CDHR2: variants seen among roughly 807,000 people sequenced by gnomAD.
CDHR2 encodes cadherin related family member 2.
Under a neutral mutation model 138.6 loss-of-function variants are expected in CDHR2, and 104 were observed. That is an observed-to-expected ratio of 0.75 (90% confidence interval 0.64 to 0.88). The LOEUF (loss-of-function observed/expected upper bound fraction) is 0.88. CDHR2 is among the 40% of genes least tolerant of loss of function. The pLI, the probability that CDHR2 is intolerant of heterozygous loss-of-function variation, is 0.00. For synonymous variants in CDHR2, 755 were observed against 742.8 expected, an observed-to-expected ratio of 1.02 and a Z score of -0.27; for missense variants, 1,624 against 1,727.6, an observed-to-expected ratio of 0.94 and a Z score of 1.06.
Position 176,581,566 on chromosome 5 carries a change from T to A in CDHR2, c.2042T>A (p.Val681Asp). 1 of 1,613,862 alleles carries A rather than the reference T, an allele frequency of 6.2e-7. No individual in the cohort carries two copies. Among genetic ancestry groups the A allele is most frequent in the Non-Finnish European group, 8.5e-7 (1 of 1,180,038 alleles). The change falls in exon 17 of 32, where the codon GTC (valine) becomes GAC (aspartate). Residue 681 changes from valine (V) to aspartate (D), a missense_variant. Around this residue, in one of 3 missense-constraint regions of CDHR2, gnomAD observed 1,061 missense variants for 1,136.6 expected, o/e 0.93. Transcript: ENST00000261944. Reference sequence around the variant, plus strand: ...CCTGTCCTCGGCACCAAAGTCAATGTCACCATCACTGTGGAGGTAAGGCCT... The same window carrying A: ...CCTGTCCTCGGCACCAAAGTCAATGACACCATCACTGTGGAGGTAAGGCCT... The part of the protein sequence containing the change: ...GEPVLGTKVN[V>D]TITVEDINDN...
intron 1 of CDHR2, among the ~76,000 whole-genome samples, chr5:176,563,818 T>C (rs1758023421): frequency 6.6e-6 from 1 of 152,204 alleles, no homozygotes; most frequent in African/African-American, 2.4e-5. Context: ...TTATTTTTAG[T>C]TTACAGTAGC....
At chr5:176,554,801 G>A (rs1416346721) in intron 1 of CDHR2, among the ~76,000 whole-genome samples, 2 of 152,146 alleles carry the variant, frequency 1.3e-5, no homozygotes, top group East Asian at 1.9e-4. Flanking sequence ...TTACAGGCAC[G>A]TGCCACCACA....
rs1449791799 is a variant in CDHR2, at chr5:176,586,679, G to C, written c.2807-114G>C. On this transcript the variant is annotated intron_variant, in intron 20 of 31. Transcript: ENST00000261944. ...GCTGTAATAGGGGTCTCTTTTGGTA[G>C]AGAGGTTGAGGGCAGGTTTAGGGGG... 18 of 886,240 alleles carry C rather than the reference G, an allele frequency of 2.0e-5. No individual in the cohort carries two copies. The Middle Eastern group carries it at 1.5e-3, about 76-fold the overall frequency. 54.9% of individuals were successfully genotyped at this position (886,240 alleles called of 1,614,324 possible).
chr5:176,590,932 A>C (rs920847488), intron 28 of CDHR2, among the ~76,000 whole-genome samples: 24 of 152,212 alleles, frequency 1.6e-4, no homozygotes, highest in African/African-American at 5.8e-4. Context: ...TCTCACACCC[A>C]GCTAGACGTC....
In CDHR2 at chr5:176,595,708, C is replaced by G. The variant is rs368523225; in HGVS notation, c.*36C>G. On this transcript the variant is annotated 3_prime_UTR_variant, in exon 32 of 32. Transcript: ENST00000261944. ...CACTCTTCTGGACCCCTTGAAGAGG[C>G]CCTACCACACCCTAACTGCACCTGT... The G allele has an allele frequency of 6.7e-7, 1 of 1,482,738 alleles. No individual in the cohort carries two copies. Among genetic ancestry groups the G allele is most frequent in the African/African-American group, 1.4e-5 (1 of 70,406 alleles). The allele number at this position is 1,482,738 out of a possible 1,614,324, so 91.8% of individuals were successfully genotyped here. A position where few individuals can be genotyped will look rare whatever the true frequency, so the allele number is the denominator to read the frequency against.
At position 176,578,038 on chromosome 5, in the gene CDHR2, C is replaced by T. The variant is rs201437280; in HGVS notation, c.1517C>T (p.Thr506Met). 183 of 1,611,114 alleles carry T rather than the reference C, an allele frequency of 1.1e-4. No homozygotes were observed. In the East Asian group the frequency reaches 1.2e-3, roughly 11 times the overall value. Residue 506 changes from threonine (T) to methionine (M), a missense_variant, in exon 15 of 32, where the codon ACG (threonine) becomes ATG (methionine). Transcript: ENST00000261944. ...GSVVTDSIHA[T>M]DPDTGAWGQI... ...TGCCATGTCTCTGCCTCACAGGCCA[C>T]GGACCCAGACACGGGCGCGTGGGGC...
rs1352882050 is a variant in CDHR2 at position 176,543,694 on chromosome 5, C to G, written c.-16+925C>G. 1 of 152,244 alleles carries G rather than the reference C, an allele frequency of 6.6e-6. No homozygotes were observed. Among genetic ancestry groups the G allele is most frequent in the African/African-American group, 2.4e-5 (1 of 41,460 alleles). The allele number at this position is 152,244 out of a possible 1,614,324, so 9.4% of individuals were successfully genotyped here. ...TCGCTTCCCGGAGAGTGTGTCCCCT[C>G]CCCCAGCCCCGGTGGGCGCGGAGGT... On this transcript the variant is annotated intron_variant, in intron 1 of 31. Transcript: ENST00000510636. The surrounding 1 kb of genome is among the most constrained non-coding windows in gnomAD (Gnocchi z 4.0).
rs778240094 is a variant in CDHR2, at chr5:176,595,525, C to T, written c.3793-7C>T. ...GCCCTTCACACCTCCTCTCCCTCTC[C>T]CTGCAGGAGCACAGGCCACCACACA... On this transcript the variant is annotated splice_polypyrimidine_tract_variant and splice_region_variant and intron_variant, in intron 31 of 31. Transcript: ENST00000261944. 7 of 1,589,538 alleles carry T rather than the reference C, an allele frequency of 4.4e-6. No homozygotes were observed. The highest frequency in any genetic ancestry group is 4.3e-6 in the Non-Finnish European group (5 of 1,166,694).
rs137949618 is a variant in CDHR2 at position 176,577,960 on chromosome 5, G to A, written c.1513-74G>A. ...TTGTGTGAGGAAGCACGACAGCTCT[G>A]TCCCCACGAGCTGCATGGGTGGCGG... On this transcript the variant is annotated intron_variant, in intron 14 of 31. Coordinates refer to ENST00000261944, the MANE Select transcript of CDHR2 (RefSeq NM_017675.6). The A allele has an allele frequency of 1.6e-3, 2,406 of 1,516,806 alleles. 35 individuals are homozygous for A. The African/African-American group carries it at 0.027, about 17-fold the overall frequency. 94.0% of individuals were successfully genotyped at this position (1,516,806 alleles called of 1,614,324 possible).
intron 6 of CDHR2, among the ~76,000 whole-genome samples, chr5:176,573,638 C>T (rs950744890): frequency 4.1e-5 from 6 of 145,700 alleles, no homozygotes; most frequent in Non-Finnish European, 7.5e-5. Flanking sequence ...AAGAGTGAAA[C>T]TCCATCTCAG....
chr5:176,586,460 T>C (rs1024651764), intron 20 of CDHR2, among the ~76,000 whole-genome samples: 2 of 152,270 alleles, frequency 1.3e-5, no homozygotes, highest in Admixed American at 1.3e-4. Flanking sequence ...CCTCCCAAAG[T>C]GCTGGGATTA....
intron 19 of CDHR2, among the ~76,000 whole-genome samples, chr5:176,585,702 C>T (rs892443948): frequency 3.3e-4 from 50 of 152,228 alleles, no homozygotes; most frequent in African/African-American, 7.9e-4. Context: ...CAGAGAAGAC[C>T]GATCAGGCAT....
exon 1 of CDHR2, chr5:176,542,735 TC>T (rs1757479654): frequency 6.6e-6 from 1 of 152,224 alleles, no homozygotes; most frequent in South Asian, 2.1e-4. Flanking sequence ...ACGGACTCTC[TC>T]CGGACCCCGC....
At chr5:176,542,687 C>G (rs747527044) in exon 1 of CDHR2, 3 of 152,268 alleles carry the variant, frequency 2.0e-5, no homozygotes, top group Non-Finnish European at 2.9e-5. Context: ...AGCTTAGTGG[C>G]TTTCAGGCAA....
chr5:176,593,341 G>A (rs370478282), intron 31 of CDHR2, among the ~76,000 whole-genome samples: 1 of 152,208 alleles, frequency 6.6e-6, no homozygotes, highest in Admixed American at 6.5e-5. Context: ...TCACACCCAG[G>A]TCCATGGGTG....
chr5:176,595,835 G>T (rs1359214791), downstream of CDHR2: 3 of 685,650 alleles, frequency 4.4e-6, no homozygotes, highest in Non-Finnish European at 6.5e-6. Context: ...TGTATACTGT[G>T]ACAGTTTGTA....
intron 21 of CDHR2, among the ~76,000 whole-genome samples, chr5:176,588,564 AGT>A (rs565754014): frequency 1.2e-3 from 169 of 142,770 alleles, no homozygotes; most frequent in South Asian, 4.5e-3. Flanking sequence ...TGAGTGGGAC[AGT>A]GTGTGAGAGT....
At chr5:176,558,036 G>A (rs1281231970) in intron 1 of CDHR2, among the ~76,000 whole-genome samples, 2 of 151,854 alleles carry the variant, frequency 1.3e-5, no homozygotes, top group African/African-American at 4.8e-5. Flanking sequence ...TGAAAGATGA[G>A]GATTTTATTA....
In CDHR2 at chr5:176,590,707, C is replaced by T. The variant is rs114446662; in HGVS notation, c.3539+20C>T. ...GAAGAGGTGCGGCTCCCATTGCCCC[C>T]GTGTCTCCAACCTTCACCCTCTCCC... On this transcript the variant is annotated intron_variant, in intron 28 of 31. Transcript: ENST00000261944. The T allele has an allele frequency of 5.1e-4, 829 of 1,612,278 alleles. 4 individuals carry two copies. The African/African-American group carries it at 9.3e-3, about 18-fold the overall frequency.
Sources: allele counts gnomAD v4.1 joint callset (sites outside exome capture counted in the v4.1 genomes callset), GRCh38; gene constraint gnomAD v4.1.1; regional missense constraint gnomAD v4.1.1; non-coding constraint Gnocchi (gnomAD v3.1); transcripts MANE v1.5; gene names NCBI Gene and HGNC (gene_info 2026-07-23, HGNC 2026-07-21).